Variants in NFX1 observed in about 807,000 individuals in gnomAD.
NFX1 encodes transcriptional repressor NF-X1.
Under a neutral mutation model 137.2 loss-of-function variants are expected in NFX1, and 69 were observed. That is an observed-to-expected ratio of 0.50 (90% CI 0.41 to 0.61). The LOEUF is 0.61. NFX1 is among the 20% of genes least tolerant of loss of function. The pLI, the probability that NFX1 is intolerant of heterozygous loss-of-function variation, is 0.00. For missense variants in NFX1, 1,167 were observed against 1,391.0 expected, an observed-to-expected ratio of 0.84 and a Z score of 2.56; for synonymous variants, 495 against 474.1, an observed-to-expected ratio of 1.04 and a Z score of -0.57.
chr9:33,307,622 C>T (rs1461886081), intron 5 of NFX1, among the ~76,000 whole-genome samples: 1 of 152,146 alleles, frequency 6.6e-6, no homozygotes, highest in Non-Finnish European at 1.5e-5. Flanking sequence ...CATTACATTA[C>T]ACTGCTTGCT....
chr9:33,326,489 T>C (rs959844077), intron 9 of NFX1, among the ~76,000 whole-genome samples: 1 of 139,690 alleles, frequency 7.2e-6, no homozygotes, highest in Non-Finnish European at 1.5e-5. Flanking sequence ...GAGGCTGAGG[T>C]GGAAGGATCA....
intron 9 of NFX1, among the ~76,000 whole-genome samples, chr9:33,325,937 C>T (rs754042118): frequency 1.6e-4 from 24 of 152,028 alleles, no homozygotes; most frequent in Admixed American, 3.9e-4. Flanking sequence ...ATTTAAAAAA[C>T]AACTGTATAA....
intron 2 of NFX1, among the ~76,000 whole-genome samples, chr9:33,295,673 G>A (rs1016028124): frequency 5.3e-5 from 8 of 152,192 alleles, no homozygotes; most frequent in Non-Finnish European, 1.0e-4. Context: ...TTCCAAATGA[G>A]GAATTTTGTA....
Position 33,337,236 on chromosome 9 carries a change from A to C in NFX1, c.2036-1274A>C, listed in dbSNP as rs1169449416. On this transcript the variant is annotated intron_variant, in intron 11 of 23. Transcript: ENST00000379540. ...ACAGATTGAAAATATTCAAAGAAAC[A>C]AATTACATCTGTACTGAACATGTAC... Among the ~76,000 whole-genome samples the C allele has an allele frequency of 2.0e-5, 3 of 152,194 alleles. No individual in the cohort carries two copies. In the East Asian group the frequency reaches 5.8e-4, roughly 29 times the overall value.
At chr9:33,363,949 G>T in intron 19 of NFX1, 61 bp from the exon 20 acceptor site, 1 of 1,126,574 alleles carries the variant, frequency 8.9e-7, no homozygotes, top group Non-Finnish European at 1.3e-6. Flanking sequence ...GGCACTCGGG[G>T]TTACTGCAAG....
At chr9:33,356,743 G>A (rs1320374592) in intron 19 of NFX1, among the ~76,000 whole-genome samples, 1 of 152,014 alleles carries the variant, frequency 6.6e-6, no homozygotes, top group African/African-American at 2.4e-5. Flanking sequence ...TACCAAGATT[G>A]TCCTTTTCCC....
Position 33,301,469 on chromosome 9 carries a change from G to T in NFX1, c.1192+48G>T, listed in dbSNP as rs370789126. 1.9e-6 allele frequency: 3 copies of T among 1,557,252 alleles called. No individual in the cohort carries two copies. In the Admixed American group the frequency reaches 6.0e-5, roughly 31 times the overall value. On this transcript the variant is annotated intron_variant, in intron 3 of 23. Coordinates refer to ENST00000379540, the MANE Select transcript of NFX1 (RefSeq NM_002504.6). ...GTAGTTATTCTCCCCTATTTGATAC[G>T]TTTAAGTATTATTAAGCCCAGCTTT...
At chr9:33,342,469 A>G (rs569108978) in intron 12 of NFX1, among the ~76,000 whole-genome samples, 1 of 152,344 alleles carries the variant, frequency 6.6e-6, no homozygotes, top group Non-Finnish European at 1.5e-5. Flanking sequence ...CTCAAAAAAT[A>G]TATATGTATG....
intron 17 of NFX1, 111 bp from the exon 18 acceptor site, chr9:33,353,975 C>G (rs1436340519): frequency 1.0e-6 from 1 of 965,684 alleles, no homozygotes; most frequent in East Asian, 2.8e-5. Context: ...CAGGCGTGAG[C>G]CACCACACCT....
intron 15 of NFX1, chr9:33,348,702 G>A: frequency 4.2e-6 from 4 of 957,002 alleles, no homozygotes; most frequent in African/African-American, 1.8e-5. Context: ...TCTATGAAAT[G>A]CAATAAAGTG....
Position 33,363,617 on chromosome 9 carries a change from TG to T in NFX1, c.2874-391del, listed in dbSNP as rs562208895. Among the ~76,000 whole-genome samples, 3 of 152,160 alleles carry T rather than the reference TG, an allele frequency of 2.0e-5. No homozygotes were observed. The South Asian group carries it at 6.2e-4, about 32-fold the overall frequency. ...TATAAAAATGAAGTGTATATGTTAA[TG>T]GAATTCTTTACTTTTCAGATTTCTA... is the stretch of plus-strand genomic sequence containing the variant. On this transcript the variant is annotated intron_variant, in intron 19 of 23. Coordinates refer to ENST00000379540, the MANE Select transcript of NFX1 (RefSeq NM_002504.6).
chr9:33,290,606 C>G lies in NFX1; in HGVS notation c.25+9C>G. 3 of 1,612,576 alleles carry G rather than the reference C, an allele frequency of 1.9e-6. No homozygotes were observed. Among genetic ancestry groups the G allele is most frequent in the Non-Finnish European group, 2.5e-6 (3 of 1,179,594 alleles). On this transcript the variant is annotated intron_variant, in intron 1 of 23. Coordinates refer to ENST00000379540, the MANE Select transcript of NFX1 (RefSeq NM_002504.6). ...GGCGCCTCCTGTCTCAGGTATTGTC[C>G]CGGCCCGAGCGGGACTGGGCCCCTT...
rs369925284 is a variant in NFX1, at chr9:33,341,565, TAAGTG to T, written c.2116-1177_2116-1173del. 2.9e-3 allele frequency among the ~76,000 whole-genome samples: 437 copies of T among 152,322 alleles called. 1 individual carries two copies. Among genetic ancestry groups the T allele is most frequent in the African/African-American group, 9.2e-3 (382 of 41,574 alleles). On this transcript the variant is annotated intron_variant, in intron 12 of 23. Coordinates refer to ENST00000379540, the MANE Select transcript of NFX1 (RefSeq NM_002504.6). ...TAATTATTTTTTAAATTTATATATT[TAAGTG>T]AAGAGTGATGAATTGTGCAAGTATT...
In NFX1 at chr9:33,347,056, G is replaced by T. The variant is rs1288635974; in HGVS notation, c.2363G>T (p.Ser788Ile). ...CDHPVYHSCH[S>I]EEKCPPCTFL... ...TCTGCAGTATATCATTCTTGTCATAGTGAGGAGAAGTGTCCCCCTTGCACT... is the reference window on the plus strand; with the variant it reads ...TCTGCAGTATATCATTCTTGTCATATTGAGGAGAAGTGTCCCCCTTGCACT... The change falls in exon 15 of 24, where the codon AGT becomes ATT. Residue 788 changes from serine to isoleucine, a missense_variant. Ser to Ile is a moderately radical substitution (Grantham distance 142). Coordinates refer to ENST00000379540, the MANE Select transcript of NFX1 (RefSeq NM_002504.6). 1 of 1,613,118 alleles carries T rather than the reference G, an allele frequency of 6.2e-7. No individual in the cohort carries two copies.
At chr9:33,320,672 T>G (rs1182445262) in intron 9 of NFX1, among the ~76,000 whole-genome samples, 1 of 152,178 alleles carries the variant, frequency 6.6e-6, no homozygotes, top group Non-Finnish European at 1.5e-5. Context: ...ATGTCTGCAG[T>G]TTTGCAATGA....
intron 7 of NFX1, 145 bp from the exon 8 acceptor site, chr9:33,318,586 G>C: frequency 1.4e-6 from 1 of 702,802 alleles, no homozygotes; most frequent in Non-Finnish European, 2.5e-6. Context: ...GCATAGGTCT[G>C]ATCAGTACTC....
chr9:33,294,650 T>C lies in NFX1; in HGVS notation c.256T>C (p.Ser86Pro), dbSNP rs754380285. Residue 86 changes from serine (S) to proline (P), a missense_variant, in exon 2 of 24, where the codon TCT becomes CCT. Transcript: ENST00000379540. ...SGSKPKSQQT[S>P]FQSSPCNKSP... is the part of the protein sequence containing the mutation. Reference sequence around the variant, plus strand: ...AAGCAAACCTAAGAGTCAGCAGACGTCTTTCCAGTCCTCTCCTTGTAATAA... The same window carrying C: ...AAGCAAACCTAAGAGTCAGCAGACGCCTTTCCAGTCCTCTCCTTGTAATAA... 7 of 1,614,052 alleles carry C rather than the reference T, an allele frequency of 4.3e-6. No homozygotes were observed. In the Admixed American group the frequency reaches 1.2e-4, roughly 27 times the overall value.
At chr9:33,295,995 A>T (rs2118177280) in intron 2 of NFX1, among the ~76,000 whole-genome samples, 1 of 152,234 alleles carries the variant, frequency 6.6e-6, no homozygotes, top group South Asian at 2.1e-4. Flanking sequence ...CAGTGGTGCG[A>T]TCCCAGCTCA....
intron 20 of NFX1, among the ~76,000 whole-genome samples, chr9:33,364,355 G>C (rs1824106071): frequency 1.3e-5 from 2 of 152,146 alleles, no homozygotes; most frequent in South Asian, 2.1e-4. Flanking sequence ...GTAAGAGTTT[G>C]GGCCTCCCAA....
Sources: gnomAD v4.1 joint callset for allele counts (sites outside exome capture counted in the v4.1 genomes callset) on GRCh38, gnomAD v4.1.1 for gene constraint, MANE v1.5 for transcripts, NCBI Gene and HGNC (gene_info 2026-07-23, HGNC 2026-07-21) for gene names.